The following LARGE1 variants were observed in gnomAD, a reference collection of about 807,000 sequenced individuals.
LARGE1 encodes the protein xylosyl- and glucuronyltransferase LARGE1.
A neutral mutation model predicts 87.6 loss-of-function variants in LARGE1; 43 were observed. The ratio of observed to expected loss-of-function variants is 0.49; its 90% CI spans 0.38 to 0.63. The LOEUF is 0.63. Ranked by LOEUF, LARGE1 falls within the 30% of genes least tolerant of loss-of-function variation. The pLI, the probability that LARGE1 is intolerant of heterozygous loss-of-function variation, is 0.00. For missense variants in LARGE1, 802 were observed against 1,000.2 expected, an observed-to-expected ratio of 0.80 and a Z score of 2.67; for synonymous variants, 434 against 394.6, an observed-to-expected ratio of 1.10 and a Z score of -1.18.
chr22:33,834,724 C>T (rs913054011), intron 1 of LARGE1, among the ~76,000 whole-genome samples: 2 of 152,156 alleles, frequency 1.3e-5, no homozygotes, highest in Non-Finnish European at 2.9e-5. Context: ...GGAATATGAG[C>T]AAGTTTTCTT....
chr22:33,775,522 G>A (rs556820243), intron 1 of LARGE1, among the ~76,000 whole-genome samples: 3 of 152,282 alleles, frequency 2.0e-5, no homozygotes, highest in African/African-American at 4.8e-5. Flanking sequence ...TACCCCAGGG[G>A]ACATTTGGCA....
At chr22:33,418,666 G>A (rs888448084) in intron 7 of LARGE1, among the ~76,000 whole-genome samples, 3 of 152,144 alleles carry the variant, frequency 2.0e-5, no homozygotes, top group South Asian at 4.1e-4. Flanking sequence ...TTGCAGGGGT[G>A]AGAATGTGCC....
At chr22:33,188,947 G>A (rs551617197) in intron 11 of LARGE1, among the ~76,000 whole-genome samples, 2 of 152,210 alleles carry the variant, frequency 1.3e-5, no homozygotes, top group African/African-American at 4.8e-5. Context: ...CAAGGTGGTC[G>A]CCAACATTGT....
chr22:33,254,979 C>T (rs1224689173), intron 11 of LARGE1, among the ~76,000 whole-genome samples: 1 of 150,438 alleles, frequency 6.6e-6, no homozygotes, highest in African/African-American at 2.5e-5. Context: ...ACTCCGTCAC[C>T]CAGGCTGGAG....
At chr22:33,500,844 C>G (rs1354646321) in intron 6 of LARGE1, among the ~76,000 whole-genome samples, 1 of 152,216 alleles carries the variant, frequency 6.6e-6, no homozygotes, top group Non-Finnish European at 1.5e-5. Flanking sequence ...CCCATCCAAA[C>G]AAGTGGCTTA....
intron 11 of LARGE1, among the ~76,000 whole-genome samples, chr22:33,196,655 A>G (rs1429592084): frequency 2.6e-5 from 4 of 152,068 alleles, no homozygotes; most frequent in Non-Finnish European, 5.9e-5. Flanking sequence ...TGGGATCTCC[A>G]TAACAATAAG....
At chr22:33,684,338 G>C (rs1402240965) in intron 2 of LARGE1, among the ~76,000 whole-genome samples, 1 of 151,860 alleles carries the variant, frequency 6.6e-6, no homozygotes, top group Non-Finnish European at 1.5e-5. Context: ...GGGAGTGCAA[G>C]GACCTAGAGA....
chr22:33,887,993 T>C (rs2064902302), intron 1 of LARGE1, among the ~76,000 whole-genome samples: 1 of 152,168 alleles, frequency 6.6e-6, no homozygotes, highest in Non-Finnish European at 1.5e-5. Flanking sequence ...CTGGCCAGGT[T>C]CTCCTGAAGA....
At chr22:33,135,098 C>T in the LARGE1 span, among the ~76,000 whole-genome samples, 1 of 152,214 alleles carries the variant, frequency 6.6e-6, no homozygotes, top group Non-Finnish European at 1.5e-5. Flanking sequence ...TGGGTTGGCT[C>T]TCAGTGAGCA....
chr22:33,811,680 T>G (rs1195143412), intron 1 of LARGE1, among the ~76,000 whole-genome samples: 4 of 152,326 alleles, frequency 2.6e-5, no homozygotes, highest in African/African-American at 9.6e-5. Flanking sequence ...TGGGAACAGC[T>G]TTATTACGTC....
At chr22:33,631,245 A>G (rs1441670877) in intron 3 of LARGE1, among the ~76,000 whole-genome samples, 1 of 152,052 alleles carries the variant, frequency 6.6e-6, no homozygotes, top group East Asian at 1.9e-4. Flanking sequence ...ACAGAACACG[A>G]CAGCCTCGAA....
chr22:33,139,276 A>T, the LARGE1 span, among the ~76,000 whole-genome samples: 1 of 152,072 alleles, frequency 6.6e-6, no homozygotes, highest in South Asian at 2.1e-4. Context: ...GATGTTGAGC[A>T]TTTTTCCATG....
In LARGE1 at chr22:33,556,596, C is replaced by G. The variant is rs139554536; in HGVS notation, c.787+8252G>C. ...GCAGGCAGGCAGGCAGGAAGGCAGG[C>G]AGGTAGGGAGGCAGGGAAGGAGGGA... On this transcript the variant is annotated intron_variant, in intron 6 of 14. Coordinates refer to ENST00000397394, the MANE Select transcript of LARGE1 (RefSeq NM_133642.5). Among the ~76,000 whole-genome samples, 461 of 50,040 alleles carry G rather than the reference C, an allele frequency of 9.2e-3. 16 individuals carry two copies. The highest frequency in any genetic ancestry group is 0.013 in the East Asian group (32 of 2,518). 32.8% of individuals were successfully genotyped at this position (50,040 alleles called of 152,430 possible).
At chr22:33,552,140 A>G (rs907093117) in intron 6 of LARGE1, among the ~76,000 whole-genome samples, 2 of 152,244 alleles carry the variant, frequency 1.3e-5, no homozygotes, top group African/African-American at 4.8e-5. Flanking sequence ...ATTAAAGAGC[A>G]TAACTTGTGC....
At chr22:33,831,461 T>C (rs2062966141) in intron 1 of LARGE1, among the ~76,000 whole-genome samples, 2 of 152,126 alleles carry the variant, frequency 1.3e-5, no homozygotes, top group South Asian at 4.1e-4. Flanking sequence ...CGGGGAGCCC[T>C]GCCGTGAGGA....
At chr22:33,496,874 G>C (rs143753757) in intron 6 of LARGE1, among the ~76,000 whole-genome samples, 8 of 141,720 alleles carry the variant, frequency 5.6e-5, no homozygotes, top group African/African-American at 2.0e-4. Context: ...CTATCAGGAA[G>C]TAAATAATAA....
At chr22:33,300,829 C>T (rs542378076) in intron 12 of LARGE1, among the ~76,000 whole-genome samples, 3 of 152,176 alleles carry the variant, frequency 2.0e-5, no homozygotes, top group South Asian at 4.1e-4. Flanking sequence ...CGTGAGCCAC[C>T]GCGCCTGGCC....
At chr22:33,584,437 C>A (rs991722330) in intron 5 of LARGE1, among the ~76,000 whole-genome samples, 4 of 152,104 alleles carry the variant, frequency 2.6e-5, no homozygotes, top group South Asian at 2.1e-4. Flanking sequence ...CAGCTGGTAG[C>A]TGATTGGTAC....
chr22:33,099,285 CT>C, the LARGE1 span, among the ~76,000 whole-genome samples: 1 of 151,804 alleles, frequency 6.6e-6, no homozygotes, highest in Non-Finnish European at 1.5e-5. Flanking sequence ...GGGAGTTTTG[CT>C]CTTGTTGCCC....
Sources: gnomAD v4.1 joint callset for allele counts (sites outside exome capture counted in the v4.1 genomes callset) on GRCh38, gnomAD v4.1.1 for gene constraint, MANE v1.5 for transcripts, NCBI Gene and HGNC (gene_info 2026-07-23, HGNC 2026-07-21) for gene names.